STOML3: variants seen among roughly 807,000 people sequenced by gnomAD.
The protein encoded by STOML3 is stomatin like 3.
A neutral mutation model predicts 29.5 loss-of-function variants in STOML3; 31 were observed. The ratio of observed to expected loss-of-function variants is 1.05; its 90% CI spans 0.79 to 1.42. The LOEUF (loss-of-function observed/expected upper bound fraction) is 1.42. STOML3 is among the 40% of genes most tolerant of loss of function. The pLI is 0.00. For missense variants in STOML3, 380 were observed against 363.0 expected (o/e 1.05, Z -0.38); for synonymous variants, 122 against 139.8 (o/e 0.87, Z 0.90).
intron 1 of STOML3, chr13:38,980,069 G>A: frequency 1.9e-6 from 3 of 1,551,648 alleles, no homozygotes; most frequent in Non-Finnish European, 1.7e-6. Context: ...CTCGCCTCTG[G>A]AGTTCATCAA....
Position 38,968,472 on chromosome 13 carries a change from A to G in STOML3, c.579T>C (p.Asp193=). ...GIRVARVEIK[D]VRIPVQLQRS... is the part of the protein sequence containing the mutation. ...TCTGCAACTGCACGGGAATCCGAAC[A>G]TCTTTGATTTCCACTCGGGCCACCC... Residue 193 remains aspartate, a synonymous_variant, in exon 6 of 7, where the codon GAT becomes GAC. Coordinates refer to ENST00000379631, the MANE Select transcript of STOML3 (RefSeq NM_145286.3). 2 of 1,614,086 alleles carry G rather than the reference A, an allele frequency of 1.2e-6. No individual in the cohort carries two copies. The highest frequency in any genetic ancestry group is 2.2e-5 in the East Asian group (1 of 44,864).
chr13:38,988,793 A>T (rs71439792), intron 1 of STOML3, among the ~76,000 whole-genome samples: 7 of 142,140 alleles, frequency 4.9e-5, no homozygotes, highest in Admixed American at 4.5e-4. Flanking sequence ...ACATATTACA[A>T]GTTATATATT....
At chr13:38,979,992 G>T in intron 1 of STOML3, 1 of 1,512,998 alleles carries the variant, frequency 6.6e-7, no homozygotes, top group Non-Finnish European at 9.0e-7. Flanking sequence ...TTCCAAAGTA[G>T]ACACAGCCTT....
At chr13:38,988,005 A>T (rs1868694056) in intron 1 of STOML3, among the ~76,000 whole-genome samples, 1 of 102,928 alleles carries the variant, frequency 9.7e-6, no homozygotes, top group South Asian at 3.2e-4. Context: ...ATTTTATATC[A>T]TATATTTTAT....
rs9548573 is a variant in STOML3 at position 38,972,360 on chromosome 13, C to T, written c.312+152G>A. 0.12 allele frequency: 75,586 copies of T among 628,596 alleles called. 5,566 individuals are homozygous for T. Among genetic ancestry groups the T allele is most frequent in the Admixed American group, 0.22 (6,459 of 29,366 alleles). The allele number at this position is 628,596 out of a possible 1,614,324, so 38.9% of individuals were successfully genotyped here. A position where few individuals can be genotyped will look rare whatever the true frequency, so the allele number is the denominator to read the frequency against. Reference sequence around the variant, plus strand: ...AACACATTCTTTGTAGTTTTGGGAGCCACCAAGGAAGGGCAATTCAAGCAG... The same window carrying T: ...AACACATTCTTTGTAGTTTTGGGAGTCACCAAGGAAGGGCAATTCAAGCAG... On this transcript the variant is annotated intron_variant, in intron 4 of 6. Coordinates refer to ENST00000379631, the MANE Select transcript of STOML3 (RefSeq NM_145286.3).
intron 6 of STOML3, among the ~76,000 whole-genome samples, chr13:38,967,581 C>T (rs1880703424): frequency 6.6e-6 from 1 of 152,192 alleles, no homozygotes; most frequent in Non-Finnish European, 1.5e-5. Context: ...CTCTTAAGTA[C>T]ATCACTCTTT....
intron 1 of STOML3, 107 bp downstream of exon 1, chr13:38,990,545 AAATGAAATTGAGGCCGAT>A: frequency 1.2e-6 from 1 of 836,298 alleles, no homozygotes; most frequent in Non-Finnish European, 1.8e-6. Flanking sequence ...CCTGGGCTAT[AAATGAAATTGAGGCCGAT>A]TTCTGCAAAT....
intron 4 of STOML3, among the ~76,000 whole-genome samples, chr13:38,972,132 C>T (rs969225651): frequency 6.6e-6 from 1 of 152,096 alleles, no homozygotes; most frequent in Non-Finnish European, 1.5e-5. Context: ...CAAAACCAGC[C>T]ACTGCCTTCC....
chr13:38,986,869 A>G (rs576282143), intron 1 of STOML3, among the ~76,000 whole-genome samples: 2 of 152,234 alleles, frequency 1.3e-5, no homozygotes, highest in East Asian at 3.9e-4. Flanking sequence ...TAAATACCAG[A>G]GCTTCTGGGG....
In STOML3 at chr13:38,970,111, C is replaced by A. The variant is rs1226538384; in HGVS notation, c.516+74G>T. ...ATGTGGTGGGGGATGCTTTGAACTG[C>A]TGACATTTAATAATCACTGATAATT... is the stretch of plus-strand genomic sequence containing the variant. On this transcript the variant is annotated intron_variant, in intron 5 of 6. Transcript: ENST00000379631. 38 of 1,418,590 alleles carry A rather than the reference C, an allele frequency of 2.7e-5. No homozygotes were observed. In the East Asian group the frequency reaches 8.5e-4, roughly 32 times the overall value. The allele number at this position is 1,418,590 out of a possible 1,614,324, so 87.9% of individuals were successfully genotyped here.
At chr13:38,979,083 G>A (rs1881187879) in intron 1 of STOML3, among the ~76,000 whole-genome samples, 1 of 152,082 alleles carries the variant, frequency 6.6e-6, no homozygotes, top group Non-Finnish European at 1.5e-5. Flanking sequence ...TACATATTTT[G>A]TATTAAAACC....
chr13:38,984,121 C>T (rs538923826), intron 1 of STOML3, among the ~76,000 whole-genome samples: 85 of 152,246 alleles, frequency 5.6e-4, no homozygotes, highest in African/African-American at 2.0e-3. Flanking sequence ...CACACACGGG[C>T]TCTTCCTACA....
intron 1 of STOML3, among the ~76,000 whole-genome samples, chr13:38,981,963 T>C (rs986776987): frequency 2.0e-5 from 3 of 152,224 alleles, no homozygotes; most frequent in Non-Finnish European, 4.4e-5. Flanking sequence ...TGTTCAACAA[T>C]GTTCATTGCC....
chr13:38,980,537 T>C (rs1467453588), intron 1 of STOML3, among the ~76,000 whole-genome samples: 2 of 150,550 alleles, frequency 1.3e-5, no homozygotes, highest in African/African-American at 4.9e-5. Context: ...GAGGGGATGA[T>C]GGAAGAAAAA....
chr13:38,970,099 T>G, intron 5 of STOML3, 86 bp downstream of exon 5: 1 of 1,244,898 alleles, frequency 8.0e-7, no homozygotes, highest in African/African-American at 1.5e-5. Context: ...TGGTGGGGGA[T>G]GCTTTGAACT....
Position 38,968,541 on chromosome 13 carries a change from C to G in STOML3, c.517-7G>C, listed in dbSNP as rs746896661. Reference sequence around the variant, plus strand: ...TGGCATCATCAAGTAAAGTCTGTTTCCAAATTAAAAGGGAAGACTAATAAG... The same window carrying G: ...TGGCATCATCAAGTAAAGTCTGTTTGCAAATTAAAAGGGAAGACTAATAAG... On this transcript the variant is annotated splice_polypyrimidine_tract_variant and splice_region_variant and intron_variant, in intron 5 of 6. Transcript: ENST00000379631. The G allele has an allele frequency of 1.2e-6, 2 of 1,613,870 alleles. No individual in the cohort carries two copies. Among genetic ancestry groups the G allele is most frequent in the Non-Finnish European group, 8.5e-7 (1 of 1,179,832 alleles).
At chr13:38,976,477 A>G in intron 3 of STOML3, 63 bp downstream of exon 3, 1 of 1,566,534 alleles carries the variant, frequency 6.4e-7, no homozygotes, top group Admixed American at 1.7e-5. Context: ...AAAATATTGA[A>G]GGTGGTAGCA....
chr13:38,971,347 A>G (rs1196010885), intron 4 of STOML3, among the ~76,000 whole-genome samples: 1 of 152,122 alleles, frequency 6.6e-6, no homozygotes, highest in African/African-American at 2.4e-5. Flanking sequence ...GCTGAATTCA[A>G]AAGTAAGTAT....
intron 1 of STOML3, among the ~76,000 whole-genome samples, chr13:38,988,355 A>G (rs1437376716): frequency 1.3e-5 from 1 of 77,240 alleles, no homozygotes; most frequent in Non-Finnish European, 2.0e-5. Context: ...ATTTTATATC[A>G]TATATTTTAT....
Sources: gnomAD v4.1 joint callset for allele counts (sites outside exome capture counted in the v4.1 genomes callset) on GRCh38, gnomAD v4.1.1 for gene constraint, MANE v1.5 for transcripts, NCBI Gene and HGNC (gene_info 2026-07-23, HGNC 2026-07-21) for gene names.